DISC1: variants seen among roughly 807,000 people sequenced by gnomAD.
DISC1 encodes the protein DISC1 scaffold protein.
DISC1 carries 57 observed loss-of-function variants against 84.5 expected under a neutral mutation model. The observed-to-expected ratio is 0.67, with a 90% confidence interval of 0.55 to 0.84. DISC1 has a LOEUF of 0.84. DISC1 is among the 40% of genes least tolerant of loss of function. The probability of loss-of-function intolerance (pLI) is 0.00; values close to 1 mark genes in which losing one functional copy is unlikely to be tolerated. For missense variants in DISC1, 1,000 were observed against 1,057.8 expected (o/e 0.95, Z 0.76); for synonymous variants, 411 against 415.2 (o/e 0.99, Z 0.12).
intron 9 of DISC1, among the ~76,000 whole-genome samples, chr1:231,894,701 G>A (rs1303075814): frequency 6.6e-6 from 1 of 151,532 alleles, no homozygotes; most frequent in Non-Finnish European, 1.5e-5. Context: ...ATATCAATCA[G>A]TATCTAATAG....
intron 9 of DISC1, chr1:231,855,351 AT>A (rs1307949024): frequency 1.0e-6 from 1 of 979,222 alleles, no homozygotes; most frequent in East Asian, 1.1e-4. Flanking sequence ...TAAACAGTAC[AT>A]TAAAAAGACA....
At chr1:231,884,628 G>C (rs12075088) in intron 9 of DISC1, among the ~76,000 whole-genome samples, 1 of 152,050 alleles carries the variant, frequency 6.6e-6, no homozygotes, top group African/African-American at 2.4e-5. Context: ...ATAGACGCTG[G>C]GGCCTACTTG....
At chr1:231,716,511 G>A (rs1012427803) in intron 3 of DISC1, among the ~76,000 whole-genome samples, 2 of 151,594 alleles carry the variant, frequency 1.3e-5, no homozygotes, top group African/African-American at 4.8e-5. Context: ...GCATGACATT[G>A]GATGACATTG....
At chr1:231,667,997 A>C (rs546275987) in intron 1 of DISC1, among the ~76,000 whole-genome samples, 54 of 151,826 alleles carry the variant, frequency 3.6e-4, no homozygotes, top group Admixed American at 5.9e-4. Context: ...TGGAGGTTGC[A>C]GTGAGCTGAG....
chr1:231,800,300 A>G (rs1215027041), intron 8 of DISC1, 90 bp downstream of exon 8: 3 of 1,014,632 alleles, frequency 3.0e-6, no homozygotes, highest in Admixed American at 3.6e-5. Flanking sequence ...TGAACATTCC[A>G]CTGTTATTAT....
chr1:231,788,493 T>C (rs2078060906), intron 6 of DISC1, among the ~76,000 whole-genome samples: 1 of 152,188 alleles, frequency 6.6e-6, no homozygotes. Context: ...TGGTTGATCT[T>C]AACTCAAAGT....
At chr1:231,774,257 GAA>G (rs539167370) in intron 6 of DISC1, among the ~76,000 whole-genome samples, 1 of 144,600 alleles carries the variant, frequency 6.9e-6, no homozygotes, top group South Asian at 2.2e-4. Context: ...CTGACTCAAA[GAA>G]AAAAAAAAGG....
chr1:231,874,685 G>A (rs1345865692), intron 9 of DISC1, among the ~76,000 whole-genome samples: 1 of 151,794 alleles, frequency 6.6e-6, no homozygotes, highest in Non-Finnish European at 1.5e-5. Context: ...GCCGAGGTGG[G>A]CGGATCACGA....
intron 10 of DISC1, among the ~76,000 whole-genome samples, chr1:231,981,247 G>A (rs201500820): frequency 8.5e-5 from 13 of 152,126 alleles, no homozygotes; most frequent in Admixed American, 2.6e-4. Flanking sequence ...CCTGGCCTGA[G>A]GCTGTTTAAA....
chr1:232,008,709 G>T (rs1370156172), intron 10 of DISC1, 76 bp from the exon 11 acceptor site: 11 of 1,485,132 alleles, frequency 7.4e-6, no homozygotes, highest in Admixed American at 4.6e-5. Flanking sequence ...TTTTAGCCAG[G>T]TAGACAAGCT....
chr1:231,752,169 T>A (rs1305336369), intron 4 of DISC1, among the ~76,000 whole-genome samples: 1 of 152,204 alleles, frequency 6.6e-6, no homozygotes, highest in Non-Finnish European at 1.5e-5. Context: ...GCAATTTGGA[T>A]GGAGAGTGTA....
intron 9 of DISC1, among the ~76,000 whole-genome samples, chr1:231,852,279 C>T (rs533830867): frequency 9.2e-5 from 14 of 152,278 alleles, no homozygotes; most frequent in African/African-American, 2.6e-4. Flanking sequence ...CATTTGGAGT[C>T]GCTCATTGAT....
At chr1:231,843,293 G>T (rs1028564278) in intron 9 of DISC1, among the ~76,000 whole-genome samples, 3 of 152,184 alleles carry the variant, frequency 2.0e-5, no homozygotes, top group Non-Finnish European at 4.4e-5. Flanking sequence ...GTGGGGCTGC[G>T]TTGTTCAGTG....
At chr1:231,721,908 C>G (rs929396253) in intron 3 of DISC1, among the ~76,000 whole-genome samples, 6 of 152,074 alleles carry the variant, frequency 3.9e-5, no homozygotes, top group African/African-American at 1.4e-4. Flanking sequence ...AATCCCAGCA[C>G]TTTGGGAGGT....
At chr1:231,794,319 A>C (rs969397268) in intron 6 of DISC1, among the ~76,000 whole-genome samples, 1 of 151,448 alleles carries the variant, frequency 6.6e-6, no homozygotes, top group African/African-American at 2.4e-5. Context: ...CCAATCTCCT[A>C]GTTCTAAATT....
chr1:231,800,047 C>T, intron 7 of DISC1, 61 bp from the exon 8 acceptor site: 4 of 1,299,184 alleles, frequency 3.1e-6, no homozygotes, highest in Non-Finnish European at 3.3e-6. Context: ...CCTGGCTGTT[C>T]CACTGCCTTC....
At chr1:231,771,371 T>C in intron 6 of DISC1, 1 of 985,390 alleles carries the variant, frequency 1.0e-6, no homozygotes, top group Non-Finnish European at 1.2e-6. Flanking sequence ...TTGAGAACTG[T>C]TGGAATTCAA....
At chr1:231,913,728 T>C (rs913027640) in intron 9 of DISC1, among the ~76,000 whole-genome samples, 1 of 152,232 alleles carries the variant, frequency 6.6e-6, no homozygotes, top group Non-Finnish European at 1.5e-5. Flanking sequence ...CTCTTTCCTC[T>C]GATTTCCCCA....
At chr1:231,639,225 CCAAAAGTGG>C (rs1320597644) in intron 1 of DISC1, among the ~76,000 whole-genome samples, 1 of 151,988 alleles carries the variant, frequency 6.6e-6, no homozygotes, top group Non-Finnish European at 1.5e-5. Flanking sequence ...GATCAACATG[CCAAAAGTGG>C]CAAAAATCTC....
Sources: allele counts gnomAD v4.1 joint callset (sites outside exome capture counted in the v4.1 genomes callset), GRCh38; gene constraint gnomAD v4.1.1; transcripts MANE v1.5; gene names NCBI Gene and HGNC (gene_info 2026-07-23, HGNC 2026-07-21).